VPS37A: variants seen among roughly 807,000 people sequenced by gnomAD.
VPS37A encodes VPS37A subunit of ESCRT-I.
VPS37A carries 30 observed loss-of-function variants against 49.8 expected under a neutral mutation model. That is an observed-to-expected ratio of 0.60 (90% confidence interval 0.45 to 0.82). The LOEUF is 0.82. Ranked by LOEUF, VPS37A falls within the 40% of genes least tolerant of loss-of-function variation. The pLI is 0.00. For missense variants in VPS37A, 593 were observed against 464.4 expected (o/e 1.28, Z -2.55); for synonymous variants, 195 against 160.6 (o/e 1.21, Z -1.62).
chr8:17,290,768 T>C (rs2150425943), intron 11 of VPS37A, among the ~76,000 whole-genome samples: 1 of 152,312 alleles, frequency 6.6e-6, no homozygotes, highest in East Asian at 1.9e-4. Context: ...AGCTTCTCTT[T>C]GTACCTCTGG....
At chr8:17,322,227 C>G in the VPS37A span, among the ~76,000 whole-genome samples, 2 of 152,228 alleles carry the variant, frequency 1.3e-5, no homozygotes, top group African/African-American at 4.8e-5. Flanking sequence ...TAATGTCCCT[C>G]CACTGAACAT....
In VPS37A at chr8:17,268,268, C is replaced by G; in HGVS notation, c.211C>G (p.Pro71Ala). 2 of 1,611,992 alleles carry G rather than the reference C, an allele frequency of 1.2e-6. No individual in the cohort carries two copies. Among genetic ancestry groups the G allele is most frequent in the East Asian group, 4.5e-5 (2 of 44,732 alleles). ...LTININILLP[P>A]QFPQEKPVIS... The stretch of plus-strand genomic sequence containing the variant: ...TTCTACCTCTACCAGATTGCTTCCT[C>G]CACAGTTTCCTCAGGAAAAACCAGT... Residue 71 changes from proline (P) to alanine (A), a missense_variant, in exon 3 of 12, where the codon CCA becomes GCA. Pro to Ala is a conservative substitution (Grantham distance 27, BLOSUM62 -1). Coordinates refer to ENST00000324849, the MANE Select transcript of VPS37A (RefSeq NM_152415.3).
intron 11 of VPS37A, among the ~76,000 whole-genome samples, chr8:17,291,854 C>A (rs910172619): frequency 6.6e-6 from 1 of 151,998 alleles, no homozygotes; most frequent in African/African-American, 2.4e-5. Context: ...TTATGATTTC[C>A]ATTCTTTTGC....
At chr8:17,259,994 A>G (rs146317218) in intron 1 of VPS37A, among the ~76,000 whole-genome samples, 2 of 152,166 alleles carry the variant, frequency 1.3e-5, no homozygotes, top group East Asian at 1.9e-4. Flanking sequence ...TAGGCAACAT[A>G]TTCTTGGGTC....
intron 1 of VPS37A, among the ~76,000 whole-genome samples, chr8:17,260,063 C>T (rs1283444403): frequency 6.6e-6 from 1 of 152,012 alleles, no homozygotes; most frequent in East Asian, 1.9e-4. Flanking sequence ...TAGTCCATTA[C>T]ATTAATTATT....
downstream of VPS37A, chr8:17,302,481 A>G (rs763890220): frequency 9.9e-5 from 50 of 505,608 alleles, no homozygotes; most frequent in Non-Finnish European, 1.5e-4. Flanking sequence ...TTTGGGGAGA[A>G]TAAGTTTATG....
chr8:17,308,029 G>T, the VPS37A span, among the ~76,000 whole-genome samples: 1 of 147,408 alleles, frequency 6.8e-6, no homozygotes, highest in African/African-American at 2.6e-5. Context: ...CTAAAACAAA[G>T]TATAATAATA....
chr8:17,313,809 T>A, the VPS37A span, among the ~76,000 whole-genome samples: 2 of 152,174 alleles, frequency 1.3e-5, no homozygotes, highest in Admixed American at 6.5e-5. Flanking sequence ...CCTACCCACT[T>A]AGAAGTTTCT....
At chr8:17,266,233 T>G (rs1813438827) in intron 2 of VPS37A, among the ~76,000 whole-genome samples, 1 of 152,178 alleles carries the variant, frequency 6.6e-6, no homozygotes, top group African/African-American at 2.4e-5. Context: ...ATTGTTTTTA[T>G]TGATAAGCAC....
the VPS37A span, among the ~76,000 whole-genome samples, chr8:17,315,815 C>A: frequency 6.6e-6 from 1 of 152,082 alleles, no homozygotes; most frequent in Non-Finnish European, 1.5e-5. Context: ...AGTTCAAGAA[C>A]AGCCTATATA....
At chr8:17,300,187 G>C (rs767705079), downstream of VPS37A, 7 of 1,613,298 alleles carry the variant, frequency 4.3e-6, no homozygotes, top group Non-Finnish European at 5.9e-6. Flanking sequence ...CTTCACCTTA[G>C]TGCAATTTAA....
intron 1 of VPS37A, among the ~76,000 whole-genome samples, chr8:17,254,635 T>C (rs374704200): frequency 3.3e-5 from 5 of 152,142 alleles, no homozygotes; most frequent in African/African-American, 9.7e-5. Flanking sequence ...TTTTCTTCTT[T>C]TTTTTTTAAA....
chr8:17,321,650 A>T, the VPS37A span, among the ~76,000 whole-genome samples: 1 of 152,232 alleles, frequency 6.6e-6, no homozygotes, highest in African/African-American at 2.4e-5. Context: ...TAAGGCAGAA[A>T]TACTTATTTG....
the VPS37A span, among the ~76,000 whole-genome samples, chr8:17,327,296 C>A: frequency 2.0e-5 from 3 of 152,046 alleles, no homozygotes; most frequent in Non-Finnish European, 4.4e-5. Flanking sequence ...TGAGACAGAG[C>A]CTAACTCTCT....
At chr8:17,254,588 T>G (rs117744731) in intron 1 of VPS37A, among the ~76,000 whole-genome samples, 2 of 152,166 alleles carry the variant, frequency 1.3e-5, no homozygotes, top group African/African-American at 4.8e-5. Context: ...ATTGGACTTA[T>G]GTTTTGGATT....
intron 5 of VPS37A, among the ~76,000 whole-genome samples, chr8:17,275,171 T>C (rs1220215403): frequency 6.6e-6 from 1 of 152,166 alleles, no homozygotes; most frequent in Non-Finnish European, 1.5e-5. Flanking sequence ...GACAGAGTTT[T>C]GGTAGAGACA....
At chr8:17,271,320 G>A (rs913004620) in intron 4 of VPS37A, among the ~76,000 whole-genome samples, 1 of 152,072 alleles carries the variant, frequency 6.6e-6, no homozygotes, top group African/African-American at 2.4e-5. Context: ...ACATGCTTAT[G>A]ATTGGCTGGG....
intron 11 of VPS37A, 26 bp from the exon 12 acceptor site, chr8:17,294,961 G>C (rs748699775): frequency 6.6e-6 from 1 of 152,364 alleles, no homozygotes; most frequent in Non-Finnish European, 1.5e-5. Flanking sequence ...AAATATTAGA[G>C]GTATTTTTTA....
Position 17,297,568 on chromosome 8 carries a change from T to TATCA in VPS37A, c.*2584_*2587dup, listed in dbSNP as rs1320221842. The TATCA allele has an allele frequency of 1.3e-5, 2 of 152,122 alleles. No homozygotes were observed. Among genetic ancestry groups the TATCA allele is most frequent in the Non-Finnish European group, 1.5e-5 (1 of 67,956 alleles). The allele number at this position is 152,122 out of a possible 1,614,324, so 9.4% of individuals were successfully genotyped here. A position where few individuals can be genotyped will look rare whatever the true frequency, so the allele number is the denominator to read the frequency against. On this transcript the variant is annotated 3_prime_UTR_variant, in exon 12 of 12. Transcript: ENST00000324849. Reference sequence around the variant, plus strand: ...TCAAAATTCTTACCTATTTATTTCATATCAACTTTAAAAAATAAATTACTT... The same window carrying TATCA: ...TCAAAATTCTTACCTATTTATTTCATATCAATCAACTTTAAAAAATAAATTACTT...
Sources: allele counts gnomAD v4.1 joint callset (sites outside exome capture counted in the v4.1 genomes callset), GRCh38; gene constraint gnomAD v4.1.1; transcripts MANE v1.5; gene names NCBI Gene and HGNC (gene_info 2026-07-23, HGNC 2026-07-21).